Variants in PDE1A observed in about 807,000 individuals in gnomAD.
PDE1A encodes phosphodiesterase 1A.
Under a neutral mutation model 61.7 loss-of-function variants are expected in PDE1A, and 35 were observed. The ratio of observed to expected loss-of-function variants is 0.57; its 90% confidence interval spans 0.43 to 0.75. The LOEUF is 0.75. PDE1A is among the 30% of genes least tolerant of loss of function. PDE1A has a pLI of 0.00. For synonymous variants in PDE1A, 232 were observed against 213.2 expected (o/e 1.09, Z -0.77); for missense variants, 597 against 630.6 (o/e 0.95, Z 0.57).
intron 13 of PDE1A, 24 bp downstream of exon 13, chr2:182,185,868 G>T (rs1442623276): frequency 6.2e-7 from 1 of 1,613,142 alleles, no homozygotes. Context: ...AGAGATGGCA[G>T]TAAGGCCTCA....
At chr2:182,362,475 G>A (rs1699565661) in intron 1 of PDE1A, among the ~76,000 whole-genome samples, 1 of 151,978 alleles carries the variant, frequency 6.6e-6, no homozygotes, top group African/African-American at 2.4e-5. Flanking sequence ...AACTGTCCTG[G>A]CCTGCACAGG....
intron 1 of PDE1A, among the ~76,000 whole-genome samples, chr2:182,279,515 C>T (rs1693664272): frequency 6.6e-6 from 1 of 151,850 alleles, no homozygotes; most frequent in Non-Finnish European, 1.5e-5. Flanking sequence ...AATATCAACC[C>T]TGAATACCTA....
chr2:182,682,950 CAGTTA>C, the PDE1A span, among the ~76,000 whole-genome samples: 57 of 151,946 alleles, frequency 3.8e-4, no homozygotes, highest in Non-Finnish European at 1.2e-4. Flanking sequence ...TAGGGTAGCC[CAGTTA>C]AGTTTTTTGT....
At chr2:182,397,092 T>C (rs755402813) in intron 1 of PDE1A, among the ~76,000 whole-genome samples, 3 of 152,298 alleles carry the variant, frequency 2.0e-5, no homozygotes, top group South Asian at 2.1e-4. Flanking sequence ...ATGTCAAATA[T>C]AGGCCTCACT....
At chr2:182,672,387 A>G in the PDE1A span, among the ~76,000 whole-genome samples, 157 of 152,366 alleles carry the variant, frequency 1.0e-3, 2 homozygotes, top group African/African-American at 3.5e-3. Flanking sequence ...CAATATTACA[A>G]AAGTGTGAGA....
At chr2:182,666,670 A>T in the PDE1A span, among the ~76,000 whole-genome samples, 1 of 152,184 alleles carries the variant, frequency 6.6e-6, no homozygotes, top group Non-Finnish European at 1.5e-5. Flanking sequence ...ACAAGGTAGC[A>T]AGAAACAGAG....
At chr2:182,183,071 A>G (rs1684902146) in intron 13 of PDE1A, among the ~76,000 whole-genome samples, 1 of 152,212 alleles carries the variant, frequency 6.6e-6, no homozygotes. Context: ...TGGCAGAAAC[A>G]TAAATAATAT....
chr2:182,708,303 G>C, the PDE1A span, among the ~76,000 whole-genome samples: 1 of 152,088 alleles, frequency 6.6e-6, no homozygotes, highest in African/African-American at 2.4e-5. Context: ...TTCAAGATGA[G>C]ATTTGGGTAG....
intron 1 of PDE1A, among the ~76,000 whole-genome samples, chr2:182,273,365 A>G (rs556489213): frequency 1.3e-5 from 2 of 152,134 alleles, no homozygotes; most frequent in Admixed American, 1.3e-4. Flanking sequence ...AAAGGTTTTG[A>G]AAAGGTATGA....
chr2:182,640,185 C>T, the PDE1A span, among the ~76,000 whole-genome samples: 31 of 152,120 alleles, frequency 2.0e-4, no homozygotes, highest in African/African-American at 7.0e-4. Context: ...GTTGTGTATA[C>T]AAGAACTCAG....
the PDE1A span, among the ~76,000 whole-genome samples, chr2:182,611,841 C>G: frequency 2.0e-5 from 3 of 151,952 alleles, no homozygotes; most frequent in African/African-American, 7.3e-5. Context: ...AAACTGATGA[C>G]CGGCTTTAAA....
At chr2:182,163,825 T>A (rs1691511205), downstream of PDE1A, among the ~76,000 whole-genome samples, 1 of 152,182 alleles carries the variant, frequency 6.6e-6, no homozygotes, top group Admixed American at 6.5e-5. Flanking sequence ...CTATGCAAGC[T>A]GCTCTGCCAC....
intron 2 of PDE1A, among the ~76,000 whole-genome samples, chr2:182,495,958 G>A (rs1482049664): frequency 6.6e-6 from 1 of 152,244 alleles, no homozygotes; most frequent in Non-Finnish European, 1.5e-5. Flanking sequence ...TACAAGGCTT[G>A]TATGGAGATT....
chr2:182,337,971 A>T (rs1057384143), intron 1 of PDE1A, among the ~76,000 whole-genome samples: 2 of 152,200 alleles, frequency 1.3e-5, no homozygotes, highest in Non-Finnish European at 2.9e-5. Flanking sequence ...TCTATATCAC[A>T]TAGGTATGTT....
At chr2:182,509,915 T>C (rs1183952701) in intron 2 of PDE1A, among the ~76,000 whole-genome samples, 1 of 152,200 alleles carries the variant, frequency 6.6e-6, no homozygotes, top group Non-Finnish European at 1.5e-5. Context: ...CTTTTAAATT[T>C]ATCTACAACT....
intron 8 of PDE1A, 83 bp from the exon 9 acceptor site, chr2:182,201,872 A>G: frequency 3.6e-6 from 3 of 836,302 alleles, no homozygotes; most frequent in East Asian, 4.9e-5. Context: ...ATCACTCACC[A>G]TGTTTTATAG....
intron 13 of PDE1A, among the ~76,000 whole-genome samples, chr2:182,181,453 TC>T (rs993632629): frequency 6.6e-6 from 1 of 152,200 alleles, no homozygotes; most frequent in African/African-American, 2.4e-5. Flanking sequence ...GTCTGCTCCT[TC>T]CTCTGGAAGC....
chr2:182,142,081 T>G (rs1230238031), downstream of PDE1A: 1 of 151,920 alleles, frequency 6.6e-6, no homozygotes, highest in Admixed American at 6.6e-5. Context: ...TAATGTTATC[T>G]GTACAGAAAA....
chr2:182,471,797 A>G (rs780210311), intron 2 of PDE1A, among the ~76,000 whole-genome samples: 16 of 151,842 alleles, frequency 1.1e-4, no homozygotes, highest in Non-Finnish European at 1.9e-4. Context: ...TTTAAAATCC[A>G]TTTAGAAAGA....
Sources: gnomAD v4.1 joint callset for allele counts (sites outside exome capture counted in the v4.1 genomes callset) on GRCh38, gnomAD v4.1.1 for gene constraint, MANE v1.5 for transcripts, NCBI Gene and HGNC (gene_info 2026-07-23, HGNC 2026-07-21) for gene names.